The following SKIC3 variants were observed in gnomAD, a reference collection of about 807,000 sequenced individuals.
SKIC3 encodes the protein SKI3 subunit of superkiller complex.
chr5:95,488,789 T>A, the SKIC3 span, among the ~76,000 whole-genome samples: 1 of 151,560 alleles, frequency 6.6e-6, no homozygotes. Flanking sequence ...ACACAAATGG[T>A]ACCACTACAG....
chr5:95,501,524 C>T, the SKIC3 span, among the ~76,000 whole-genome samples: 1 of 151,768 alleles, frequency 6.6e-6, no homozygotes, highest in Non-Finnish European at 1.5e-5. Context: ...CAAAATAATG[C>T]CAATGGGTAG....
the SKIC3 span, chr5:95,498,386 A>G: frequency 3.2e-5 from 51 of 1,614,050 alleles, no homozygotes; most frequent in South Asian, 4.4e-5. Flanking sequence ...ACAGCTTTAG[A>G]TATTTGTTTT....
chr5:95,498,360 C>T, the SKIC3 span: 1 of 1,613,542 alleles, frequency 6.2e-7, no homozygotes, highest in Non-Finnish European at 8.5e-7. Context: ...TTCACAAATA[C>T]AGAATTTACC....
chr5:95,542,309 T>C, the SKIC3 span, among the ~76,000 whole-genome samples: 23 of 152,262 alleles, frequency 1.5e-4, no homozygotes, highest in East Asian at 4.0e-3. Flanking sequence ...CATATAAAAA[T>C]TGTATGTTTT....
chr5:95,520,590 G>A, the SKIC3 span: 8 of 744,312 alleles, frequency 1.1e-5, no homozygotes, highest in East Asian at 1.4e-4. Flanking sequence ...TGGCTTGTCT[G>A]TTATTCTTTA....
chr5:95,525,469 G>C, the SKIC3 span: 1 of 1,613,946 alleles, frequency 6.2e-7, no homozygotes, highest in Non-Finnish European at 8.5e-7. Flanking sequence ...CTTCAGCTAG[G>C]TCAGGGTAAG....
At chr5:95,480,129 A>G in the SKIC3 span, among the ~76,000 whole-genome samples, 1 of 152,160 alleles carries the variant, frequency 6.6e-6, no homozygotes, top group African/African-American at 2.4e-5. Context: ...AAAGTAAAAC[A>G]ATAAAATTTC....
At chr5:95,463,916 A>C in the SKIC3 span, 7 of 152,232 alleles carry the variant, frequency 4.6e-5, no homozygotes, top group African/African-American at 1.7e-4. Context: ...GTTTTATTTC[A>C]GAAAGTTCAA....
At chr5:95,467,807 A>T in the SKIC3 span, 1 of 1,606,080 alleles carries the variant, frequency 6.2e-7, no homozygotes, top group Non-Finnish European at 8.5e-7. Context: ...TAGATCAAAG[A>T]TAAAACATTT....
the SKIC3 span, chr5:95,522,171 T>C: frequency 1.9e-6 from 3 of 1,613,944 alleles, no homozygotes; most frequent in Admixed American, 3.3e-5. Context: ...ACACTGTATA[T>C]GGATTCTGGG....
chr5:95,547,420 G>A, the SKIC3 span, among the ~76,000 whole-genome samples: 58 of 151,896 alleles, frequency 3.8e-4, no homozygotes, highest in Middle Eastern at 3.4e-3. Context: ...CATTATTTCC[G>A]GAACCCCTTC....
chr5:95,520,767 A>G, the SKIC3 span: 1 of 1,612,412 alleles, frequency 6.2e-7, no homozygotes, highest in African/African-American at 1.3e-5. Context: ...TTTTCCATCA[A>G]GATAATCAAC....
chr5:95,499,935 A>C, the SKIC3 span, among the ~76,000 whole-genome samples: 1 of 152,140 alleles, frequency 6.6e-6, no homozygotes, highest in Admixed American at 6.5e-5. Flanking sequence ...AAATAAAGAA[A>C]ATCTTAGCTC....
At chr5:95,523,395 T>C in the SKIC3 span, 2 of 1,472,090 alleles carry the variant, frequency 1.4e-6, no homozygotes, top group African/African-American at 1.4e-5. Flanking sequence ...TCATGTAAAG[T>C]ACACAAACAT....
chr5:95,472,435 C>T, the SKIC3 span, among the ~76,000 whole-genome samples: 4 of 152,146 alleles, frequency 2.6e-5, no homozygotes, highest in African/African-American at 9.7e-5. Flanking sequence ...AGTTAGATAC[C>T]TGTTTATATG....
chr5:95,482,427 T>C, the SKIC3 span: 480 of 1,581,612 alleles, frequency 3.0e-4, 3 homozygotes, highest in African/African-American at 6.0e-3. Context: ...ACTAATATTA[T>C]GAAGTGTTTT....
the SKIC3 span, chr5:95,516,655 T>C: frequency 6.2e-7 from 1 of 1,613,206 alleles, no homozygotes; most frequent in Non-Finnish European, 8.5e-7. Context: ...AATATTGAAG[T>C]GTTACTCAAT....
the SKIC3 span, chr5:95,541,464 T>C: frequency 1.6e-6 from 2 of 1,252,652 alleles, no homozygotes; most frequent in Non-Finnish European, 2.3e-6. Flanking sequence ...ACACTAAAAT[T>C]TAAGTATTCC....
the SKIC3 span, chr5:95,509,657 G>A: frequency 6.2e-7 from 1 of 1,613,608 alleles, no homozygotes; most frequent in Non-Finnish European, 8.5e-7. Flanking sequence ...ACCCAACATT[G>A]TGAAAGCTGG....
Sources: allele counts gnomAD v4.1 joint callset (sites outside exome capture counted in the v4.1 genomes callset), GRCh38; gene constraint gnomAD v4.1.1; transcripts MANE v1.5; gene names NCBI Gene and HGNC (gene_info 2026-07-23, HGNC 2026-07-21).